The following SPATA6 variants were observed in gnomAD, a reference collection of about 807,000 sequenced individuals.
SPATA6 encodes the protein spermatogenesis associated 6.
SPATA6 carries 56 observed loss-of-function variants against 65.3 expected under a neutral mutation model. The ratio of observed to expected loss-of-function variants is 0.86; its 90% CI spans 0.69 to 1.07. The LOEUF (loss-of-function observed/expected upper bound fraction) is 1.07, where lower values mean the gene tolerates loss of function less well. Among genes scored for constraint, SPATA6 ranks in the 50% least tolerant of loss-of-function variants. The pLI, the probability that SPATA6 is intolerant of heterozygous loss-of-function variation, is 0.00. For missense variants in SPATA6, 590 were observed against 594.8 expected (o/e 0.99, Z 0.08); for synonymous variants, 199 against 213.2 (o/e 0.93, Z 0.58).
intron 4 of SPATA6, among the ~76,000 whole-genome samples, chr1:48,412,150 G>A (rs976624544): frequency 2.0e-5 from 3 of 152,090 alleles, no homozygotes; most frequent in African/African-American, 4.8e-5. Flanking sequence ...ATGAGCCACC[G>A]CGCCCAGCCA....
chr1:48,309,834 G>A lies in SPATA6; in HGVS notation c.1195-3956C>T, dbSNP rs556834244. On this transcript the variant is annotated intron_variant, in intron 11 of 12. Transcript: ENST00000371847. ...TGATTGGACAGACATTTCTATAAACGCTTAGAACCATTAAGTCTCCCAGTG... is the reference window on the plus strand; with the variant it reads ...TGATTGGACAGACATTTCTATAAACACTTAGAACCATTAAGTCTCCCAGTG... 2.2e-3 allele frequency among the ~76,000 whole-genome samples: 336 copies of A among 152,260 alleles called. 1 individual carries two copies. Among genetic ancestry groups the A allele is most frequent in the Middle Eastern group, 3.4e-3 (1 of 294 alleles).
At chr1:48,308,422 C>A (rs545671273) in intron 11 of SPATA6, among the ~76,000 whole-genome samples, 1 of 152,138 alleles carries the variant, frequency 6.6e-6, no homozygotes, top group African/African-American at 2.4e-5. Flanking sequence ...TTCCTACCAA[C>A]AAATATTTAT....
At chr1:48,277,099 C>CTTTTTTTTTTTTT in the SPATA6 span, among the ~76,000 whole-genome samples, 7 of 126,442 alleles carry the variant, frequency 5.5e-5, no homozygotes, top group African/African-American at 1.4e-4. Context: ...TTGTTTTTTG[C>CTTTTTTTTTTTTT]TTTTTTTTTT....
chr1:48,309,370 G>A (rs146198430), intron 11 of SPATA6, among the ~76,000 whole-genome samples: 39 of 152,084 alleles, frequency 2.6e-4, no homozygotes, highest in African/African-American at 4.1e-4. Context: ...CTGCCTGCTC[G>A]TAGGGTGCCA....
intron 9 of SPATA6, among the ~76,000 whole-genome samples, chr1:48,384,942 T>C (rs1027015946): frequency 3.9e-5 from 6 of 152,218 alleles, no homozygotes; most frequent in Non-Finnish European, 7.3e-5. Flanking sequence ...ACAAAAGTTA[T>C]ACATACATAT....
At chr1:48,368,988 CTGTT>C (rs2148850939) in intron 9 of SPATA6, among the ~76,000 whole-genome samples, 1 of 152,238 alleles carries the variant, frequency 6.6e-6, no homozygotes, top group East Asian at 1.9e-4. Flanking sequence ...GATGTCCTTT[CTGTT>C]TGTTAGTTTT....
the SPATA6 span, among the ~76,000 whole-genome samples, chr1:48,267,962 A>G: frequency 7.9e-5 from 12 of 151,936 alleles, no homozygotes; most frequent in East Asian, 1.6e-3. Context: ...CGTGTTAGCC[A>G]GGATGGTCTC....
chr1:48,334,003 T>A (rs1645989708), intron 11 of SPATA6, among the ~76,000 whole-genome samples: 1 of 152,142 alleles, frequency 6.6e-6, no homozygotes, highest in Admixed American at 6.5e-5. Flanking sequence ...TATGAACACC[T>A]CTATGCACAC....
the SPATA6 span, among the ~76,000 whole-genome samples, chr1:48,273,271 A>C: frequency 6.6e-6 from 1 of 151,982 alleles, no homozygotes; most frequent in Non-Finnish European, 1.5e-5. Flanking sequence ...ATCCATTTTG[A>C]GTTGATTTTG....
the SPATA6 span, among the ~76,000 whole-genome samples, chr1:48,277,830 G>A: frequency 6.6e-6 from 1 of 152,230 alleles, no homozygotes; most frequent in Non-Finnish European, 1.5e-5. Context: ...GAGAGCAGTG[G>A]TTCTCCCAGC....
chr1:48,297,359 ATGGGATAC>A lies in SPATA6; in HGVS notation c.*1346_*1353del, dbSNP rs1415655687. Reference sequence around the variant, plus strand: ...TAGACTCAGCTAGAAAACGGCAGACATGGGATACTAAAGCCTAGGACTCCTGGCTCATA... The same window carrying A: ...TAGACTCAGCTAGAAAACGGCAGACATAAAGCCTAGGACTCCTGGCTCATA... On this transcript the variant is annotated 3_prime_UTR_variant, in exon 13 of 13. Coordinates refer to ENST00000371847, the MANE Select transcript of SPATA6 (RefSeq NM_019073.4). The A allele has an allele frequency of 1.3e-5, 2 of 152,136 alleles. No individual in the cohort carries two copies. Among genetic ancestry groups the A allele is most frequent in the Non-Finnish European group, 2.9e-5 (2 of 68,014 alleles). The allele number at this position is 152,136 out of a possible 1,614,324, so 9.4% of individuals were successfully genotyped here. A position where few individuals can be genotyped will look rare whatever the true frequency, so the allele number is the denominator to read the frequency against.
chr1:48,327,059 G>T (rs1445403529), intron 11 of SPATA6, among the ~76,000 whole-genome samples: 2 of 152,020 alleles, frequency 1.3e-5, no homozygotes, highest in Non-Finnish European at 2.9e-5. Context: ...ATAGTAAACA[G>T]ACAACTTACA....
chr1:48,353,454 G>A (rs569145214), intron 11 of SPATA6, among the ~76,000 whole-genome samples: 1 of 146,982 alleles, frequency 6.8e-6, no homozygotes, highest in Non-Finnish European at 1.5e-5. Context: ...AAACTCACGT[G>A]TTACTTACAA....
chr1:48,263,345 C>A, the SPATA6 span, among the ~76,000 whole-genome samples: 1 of 151,956 alleles, frequency 6.6e-6, no homozygotes, highest in Admixed American at 6.6e-5. Flanking sequence ...TTTATGAGAT[C>A]TTTAAGATGG....
At chr1:48,375,802 T>A (rs891412982) in intron 9 of SPATA6, among the ~76,000 whole-genome samples, 1 of 152,184 alleles carries the variant, frequency 6.6e-6, no homozygotes, top group Non-Finnish European at 1.5e-5. Context: ...CACTTATTTT[T>A]CTAAACAGCA....
intron 11 of SPATA6, among the ~76,000 whole-genome samples, chr1:48,327,357 C>T (rs1645794028): frequency 6.6e-6 from 1 of 152,036 alleles, no homozygotes; most frequent in African/African-American, 2.4e-5. Flanking sequence ...CAGATGCTGG[C>T]ATGAATGTGG....
chr1:48,469,710 A>G (rs111746015), intron 1 of SPATA6, among the ~76,000 whole-genome samples: 2,778 of 152,204 alleles, frequency 0.018, 30 homozygotes, highest in South Asian at 0.06. Flanking sequence ...AGATGTTAAA[A>G]ATATCTAGGG....
At chr1:48,281,281 G>T in the SPATA6 span, among the ~76,000 whole-genome samples, 5 of 151,068 alleles carry the variant, frequency 3.3e-5, no homozygotes, top group African/African-American at 1.2e-4. Context: ...CACAAGACAG[G>T]GATGCCCTCT....
rs371222963 is a variant in SPATA6 at position 48,413,121 on chromosome 1, A to C, written c.269T>G (p.Leu90Arg). Residue 90 changes from leucine to arginine, a missense_variant, in exon 4 of 13, where the codon CTA (leucine) becomes CGA (arginine). Coordinates refer to ENST00000371847, the MANE Select transcript of SPATA6 (RefSeq NM_019073.4). Reference sequence around the variant, plus strand: ...TCAATATATATTACCTGGTGGAACTAGCTGTATCAACTCGAACACTGCTGT... The same window carrying C: ...TCAATATATATTACCTGGTGGAACTCGCTGTATCAACTCGAACACTGCTGT... ...YDTAVFELIQ[L>R]VPPVGETLST... 13 of 1,384,054 alleles carry C rather than the reference A, an allele frequency of 9.4e-6. No individual in the cohort carries two copies. In the African/African-American group the frequency reaches 1.8e-4, roughly 20 times the overall value. The allele number at this position is 1,384,054 out of a possible 1,614,324, so 85.7% of individuals were successfully genotyped here. A position where few individuals can be genotyped will look rare whatever the true frequency, so the allele number is the denominator to read the frequency against.
Sources: gnomAD v4.1 joint callset for allele counts (sites outside exome capture counted in the v4.1 genomes callset) on GRCh38, gnomAD v4.1.1 for gene constraint, MANE v1.5 for transcripts, NCBI Gene and HGNC (gene_info 2026-07-23, HGNC 2026-07-21) for gene names.